TMTC2: variants seen among roughly 807,000 people sequenced by gnomAD.
TMTC2 encodes the protein protein O-mannosyl-transferase TMTC2.
In TMTC2, 43 loss-of-function variants were observed where a neutral mutation model predicts 82.4. That is an observed-to-expected ratio of 0.52 (90% CI 0.41 to 0.67). The LOEUF is 0.67. Among genes scored for constraint, TMTC2 ranks in the 30% least tolerant of loss-of-function variants. The pLI, the probability that TMTC2 is intolerant of heterozygous loss-of-function variation, is 0.00. For missense variants in TMTC2, 919 were observed against 1,012.4 expected (o/e 0.91, Z 1.25); for synonymous variants, 408 against 381.9 (o/e 1.07, Z -0.80).
chr12:82,938,490 C>T (rs1617114), intron 4 of TMTC2, among the ~76,000 whole-genome samples: 130,894 of 152,034 alleles, frequency 0.86, 56,879 homozygotes, highest in East Asian at 0.97. Flanking sequence ...CCAGGTAAGC[C>T]GATTGGTCTC....
chr12:82,801,533 T>C (rs553071965), intron 1 of TMTC2, among the ~76,000 whole-genome samples: 26 of 152,270 alleles, frequency 1.7e-4, no homozygotes, highest in African/African-American at 5.8e-4. Flanking sequence ...CCGATTGGTC[T>C]GTTTTACAGA....
intron 1 of TMTC2, among the ~76,000 whole-genome samples, chr12:82,736,616 G>A (rs1375616188): frequency 6.6e-6 from 1 of 152,144 alleles, no homozygotes; most frequent in Non-Finnish European, 1.5e-5. Context: ...TCCTTCCACA[G>A]CCTTGTCAGA....
At chr12:82,939,960 G>GT (rs1876612866) in intron 4 of TMTC2, among the ~76,000 whole-genome samples, 1 of 134,150 alleles carries the variant, frequency 7.5e-6, no homozygotes. Flanking sequence ...AGCTGACATT[G>GT]TTATACTCTT....
chr12:82,919,387 A>G (rs560722046), intron 3 of TMTC2, among the ~76,000 whole-genome samples: 3 of 152,340 alleles, frequency 2.0e-5, no homozygotes, highest in Admixed American at 2.0e-4. Context: ...TTTTCAGGGC[A>G]CATGCAAACC....
rs76425548 is a variant in TMTC2, at chr12:82,949,300, C to T, written c.1599-15724C>T. On this transcript the variant is annotated intron_variant, in intron 4 of 11. Transcript: ENST00000321196. ...AATCATTTGTGGTTAGTGCCTTTAA[C>T]TTGTGTTAGATGCTTTTCATTTCTT... is the stretch of plus-strand genomic sequence containing the variant. Among the ~76,000 whole-genome samples, 907 of 152,200 alleles carry T rather than the reference C, an allele frequency of 6.0e-3. 5 individuals are homozygous for T. The highest frequency in any genetic ancestry group is 9.6e-3 in the Non-Finnish European group (655 of 68,018).
chr12:82,804,074 T>C (rs963773489), intron 1 of TMTC2, among the ~76,000 whole-genome samples: 2 of 152,048 alleles, frequency 1.3e-5, no homozygotes. Context: ...GAATGCTATT[T>C]CAAAGAAAAT....
chr12:82,825,149 G>A (rs1232591926), intron 1 of TMTC2, among the ~76,000 whole-genome samples: 4 of 151,662 alleles, frequency 2.6e-5, no homozygotes, highest in Non-Finnish European at 5.9e-5. Context: ...ATGTTTTATT[G>A]TGATTCAGCT....
chr12:82,946,763 AC>A (rs1877019976), intron 4 of TMTC2, among the ~76,000 whole-genome samples: 1 of 138,828 alleles, frequency 7.2e-6, no homozygotes, highest in Admixed American at 7.4e-5. Context: ...TTTTTTTGAG[AC>A]AGAGTCTTGC....
chr12:82,994,364 C>G (rs988568550), intron 8 of TMTC2, among the ~76,000 whole-genome samples: 1 of 152,090 alleles, frequency 6.6e-6, no homozygotes, highest in Non-Finnish European at 1.5e-5. Context: ...AGGCTGGTCT[C>G]AAGTCATCTG....
chr12:82,935,879 G>A (rs1430591391), intron 4 of TMTC2, among the ~76,000 whole-genome samples: 1 of 151,802 alleles, frequency 6.6e-6, no homozygotes, highest in Non-Finnish European at 1.5e-5. Context: ...TAAGAAATGA[G>A]CAAGAAAATA....
intron 3 of TMTC2, among the ~76,000 whole-genome samples, chr12:82,924,747 C>T (rs1215608795): frequency 6.6e-6 from 1 of 152,160 alleles, no homozygotes; most frequent in Non-Finnish European, 1.5e-5. Context: ...ACCGCAGTTG[C>T]CTTCCAGCTG....
intron 1 of TMTC2, among the ~76,000 whole-genome samples, chr12:82,839,646 A>C (rs1431932191): frequency 6.6e-6 from 1 of 152,182 alleles, no homozygotes; most frequent in African/African-American, 2.4e-5. Flanking sequence ...AATTTGTGCA[A>C]GAAAAAATAG....
At chr12:82,743,851 C>T (rs1032615194) in intron 1 of TMTC2, among the ~76,000 whole-genome samples, 39 of 152,268 alleles carry the variant, frequency 2.6e-4, no homozygotes, top group African/African-American at 8.9e-4. Context: ...TGCATCGTGA[C>T]TTATCTATTC....
At chr12:82,883,766 A>G (rs948908329) in intron 2 of TMTC2, among the ~76,000 whole-genome samples, 44 of 152,364 alleles carry the variant, frequency 2.9e-4, no homozygotes, top group Admixed American at 6.5e-4. Context: ...TTTTGAGCTC[A>G]CTTAATTTTA....
At chr12:82,875,107 T>A (rs1220992880) in intron 2 of TMTC2, among the ~76,000 whole-genome samples, 1 of 152,122 alleles carries the variant, frequency 6.6e-6, no homozygotes, top group Non-Finnish European at 1.5e-5. Context: ...AGTGTGGTTG[T>A]GTGTTCTGGG....
chr12:83,120,736 C>T (rs1209336647), intron 11 of TMTC2, among the ~76,000 whole-genome samples: 1 of 152,144 alleles, frequency 6.6e-6, no homozygotes, highest in Non-Finnish European at 1.5e-5. Flanking sequence ...CGATTATTCC[C>T]CCAAATATGT....
intron 10 of TMTC2, among the ~76,000 whole-genome samples, chr12:83,058,212 A>G (rs1407090604): frequency 2.0e-5 from 3 of 151,932 alleles, no homozygotes; most frequent in Admixed American, 2.0e-4. Flanking sequence ...GGAATTCCGC[A>G]GTACGCAAAT....
intron 11 of TMTC2, among the ~76,000 whole-genome samples, chr12:83,078,683 C>A (rs1883368129): frequency 1.3e-5 from 2 of 152,020 alleles, no homozygotes; most frequent in African/African-American, 4.8e-5. Context: ...ATATATAATT[C>A]TATGTTTTAA....
chr12:83,054,063 AAG>A (rs1230607363), intron 10 of TMTC2, among the ~76,000 whole-genome samples: 1 of 152,082 alleles, frequency 6.6e-6, no homozygotes, highest in Non-Finnish European at 1.5e-5. Context: ...TTTTGAGCCA[AAG>A]CTCTAAGACT....
Sources: gnomAD v4.1 joint callset for allele counts (sites outside exome capture counted in the v4.1 genomes callset) on GRCh38, gnomAD v4.1.1 for gene constraint, MANE v1.5 for transcripts, NCBI Gene and HGNC (gene_info 2026-07-23, HGNC 2026-07-21) for gene names.